Variants in RBFOX1 observed in about 807,000 individuals in gnomAD.
The protein encoded by RBFOX1 is RNA binding protein fox-1 homolog 1.
Under a neutral mutation model 57.7 loss-of-function variants are expected in RBFOX1, and 8 were observed. The ratio of observed to expected loss-of-function variants is 0.14; its 90% CI spans 0.08 to 0.25. The LOEUF (loss-of-function observed/expected upper bound fraction) is 0.25. Ranked by LOEUF, RBFOX1 falls within the 10% of genes least tolerant of loss-of-function variation. The pLI, the probability that RBFOX1 is intolerant of heterozygous loss-of-function variation, is 1.00. For missense variants in RBFOX1, 611 were observed against 548.5 expected (o/e 1.11, Z -1.14); for synonymous variants, 326 against 222.4 (o/e 1.47, Z -4.15).
At chr16:6,917,739 G>C (rs893248295) in intron 3 of RBFOX1, among the ~76,000 whole-genome samples, 2 of 152,144 alleles carry the variant, frequency 1.3e-5, no homozygotes, top group Non-Finnish European at 2.9e-5. Context: ...GGCATTCCAA[G>C]TGGACATATT....
chr16:6,651,558 A>C (rs1219977288), intron 2 of RBFOX1, among the ~76,000 whole-genome samples: 7 of 152,296 alleles, frequency 4.6e-5, no homozygotes, highest in Non-Finnish European at 8.8e-5. Context: ...TGAAACCCAC[A>C]AGTGCCCATG....
At chr16:6,787,876 T>C (rs535299272) in intron 3 of RBFOX1, among the ~76,000 whole-genome samples, 3 of 152,280 alleles carry the variant, frequency 2.0e-5, no homozygotes, top group East Asian at 3.9e-4. Context: ...CTCGATACTA[T>C]AGAGAGAAGT....
chr16:7,709,447 CTT>C (rs75160475), intron 15 of RBFOX1: 2 of 1,309,526 alleles, frequency 1.5e-6, no homozygotes, highest in Admixed American at 3.2e-5. Context: ...CAATGCAGAA[CTT>C]TTTTTTTTCT....
chr16:7,529,554 T>G (rs1338664783), intron 5 of RBFOX1, among the ~76,000 whole-genome samples: 1 of 152,204 alleles, frequency 6.6e-6, no homozygotes, highest in Non-Finnish European at 1.5e-5. Context: ...TTCATTGACA[T>G]ATTTCCACTG....
At chr16:6,082,786 A>C (rs4786811) in intron 1 of RBFOX1, among the ~76,000 whole-genome samples, 3 of 152,120 alleles carry the variant, frequency 2.0e-5, no homozygotes, top group Admixed American at 2.0e-4. Context: ...TGAGGATATC[A>C]GTTTGGCTTG....
intron 2 of RBFOX1, among the ~76,000 whole-genome samples, chr16:6,336,143 A>G (rs1293907324): frequency 1.4e-5 from 1 of 72,946 alleles, no homozygotes; most frequent in Admixed American, 1.6e-4. Context: ...ATATTCATAT[A>G]TATACATATA....
intron 4 of RBFOX1, among the ~76,000 whole-genome samples, chr16:5,965,155 C>G (rs1242093549): frequency 6.6e-6 from 1 of 152,086 alleles, no homozygotes; most frequent in African/African-American, 2.4e-5. Flanking sequence ...TAGGAAGATG[C>G]TAGCCACTCT....
chr16:7,397,727 T>C (rs1242674457), intron 4 of RBFOX1, among the ~76,000 whole-genome samples: 1 of 152,210 alleles, frequency 6.6e-6, no homozygotes, highest in Admixed American at 6.5e-5. Flanking sequence ...TTGACATGTG[T>C]ATTCACTCTT....
chr16:7,268,438 A>C (rs1360306227), intron 4 of RBFOX1, among the ~76,000 whole-genome samples: 1 of 152,180 alleles, frequency 6.6e-6, no homozygotes, highest in Non-Finnish European at 1.5e-5. Context: ...GGGAGAAGGA[A>C]GCAGGTCGTT....
intron 4 of RBFOX1, among the ~76,000 whole-genome samples, chr16:5,930,342 G>T (rs1345386386): frequency 1.4e-5 from 2 of 139,238 alleles, no homozygotes; most frequent in African/African-American, 5.5e-5. Context: ...AGGTGGGAAG[G>T]TTGGTAGCTG....
chr16:6,019,341 C>A lies in RBFOX1; in HGVS notation c.-778C>A. 2.0e-6 allele frequency: 2 copies of A among 985,782 alleles called. No homozygotes were observed. The highest frequency in any genetic ancestry group is 1.2e-6 in the Non-Finnish European group (1 of 830,314). The allele number at this position is 985,782 out of a possible 1,614,324, so 61.1% of individuals were successfully genotyped here. A position where few individuals can be genotyped will look rare whatever the true frequency, so the allele number is the denominator to read the frequency against. ...CGTGCGAGCCGCGCTGCCGCCGCCT[C>A]CTCCAGCCAGAGTCGGTGGGACTGG... On this transcript the variant is annotated 5_prime_UTR_variant, in exon 1 of 16. Coordinates refer to ENST00000550418, the MANE Select transcript of RBFOX1 (RefSeq NM_018723.4). This position sits in a 1 kb window ranked among gnomAD's most constrained non-coding sequence, Gnocchi z 4.2.
intron 4 of RBFOX1, among the ~76,000 whole-genome samples, chr16:7,360,023 G>A (rs1435704149): frequency 6.6e-6 from 1 of 151,758 alleles, no homozygotes; most frequent in Non-Finnish European, 1.5e-5. Flanking sequence ...AAACCACTCT[G>A]GAAAATCACT....
intron 1 of RBFOX1, among the ~76,000 whole-genome samples, chr16:6,147,810 A>G (rs1368723677): frequency 6.6e-6 from 1 of 152,216 alleles, no homozygotes; most frequent in African/African-American, 2.4e-5. Flanking sequence ...AGGCATTATG[A>G]TTGATTCCTT....
intron 3 of RBFOX1, among the ~76,000 whole-genome samples, chr16:6,943,665 G>T (rs528776074): frequency 2.7e-5 from 4 of 150,406 alleles, no homozygotes; most frequent in Admixed American, 6.6e-5. Context: ...CCAAGATTGC[G>T]TCACTGCACT....
intron 2 of RBFOX1, among the ~76,000 whole-genome samples, chr16:6,492,308 C>A (rs533874362): frequency 2.0e-5 from 3 of 152,266 alleles, no homozygotes; most frequent in African/African-American, 7.2e-5. Context: ...CGATGGCCCA[C>A]GCCTGTAATC....
chr16:6,957,102 TTTTTTA>T (rs1315875427), intron 3 of RBFOX1, among the ~76,000 whole-genome samples: 23 of 140,004 alleles, frequency 1.6e-4, no homozygotes, highest in African/African-American at 4.3e-4. Flanking sequence ...TTTATTTTAT[TTTTTTA>T]TTTTTATTTT....
At chr16:7,523,703 C>T (rs2078019194) in intron 5 of RBFOX1, among the ~76,000 whole-genome samples, 1 of 152,122 alleles carries the variant, frequency 6.6e-6, no homozygotes, top group African/African-American at 2.4e-5. Flanking sequence ...ATATTCTGAA[C>T]TGGTATTGGG....
At chr16:5,644,594 C>T (rs74772197) in intron 3 of RBFOX1, among the ~76,000 whole-genome samples, 1 of 152,190 alleles carries the variant, frequency 6.6e-6, no homozygotes, top group African/African-American at 2.4e-5. Flanking sequence ...TGAAGCGTGT[C>T]AGGCTGGGAG....
chr16:6,322,206 T>C (rs2081889389), intron 2 of RBFOX1, among the ~76,000 whole-genome samples: 1 of 152,210 alleles, frequency 6.6e-6, no homozygotes, highest in South Asian at 2.1e-4. Context: ...CTAGGTAGTC[T>C]TCATACCTAA....
Sources: gnomAD v4.1 joint callset for allele counts (sites outside exome capture counted in the v4.1 genomes callset) on GRCh38, gnomAD v4.1.1 for gene constraint, Gnocchi (gnomAD v3.1) non-coding constraint, MANE v1.5 for transcripts, NCBI Gene and HGNC (gene_info 2026-07-23, HGNC 2026-07-21) for gene names.